Variants in MRTFB observed in about 807,000 individuals in gnomAD.
The protein encoded by MRTFB is myocardin related transcription factor B.
A neutral mutation model predicts 104.2 loss-of-function variants in MRTFB; 29 were observed. The observed-to-expected ratio is 0.28, with a 90% CI of 0.21 to 0.38. MRTFB has a LOEUF of 0.38. MRTFB is among the 10% of genes least tolerant of loss of function. The pLI is 1.00. For synonymous variants in MRTFB, 535 were observed against 519.5 expected (o/e 1.03, Z -0.41); for missense variants, 1,270 against 1,341.6 (o/e 0.95, Z 0.83).
At chr16:14,235,460 A>G (rs1279515739) in intron 9 of MRTFB, among the ~76,000 whole-genome samples, 3 of 152,286 alleles carry the variant, frequency 2.0e-5, no homozygotes, top group East Asian at 1.9e-4. Context: ...CCGATCCTCA[A>G]ACGGGTTCTC....
chr16:14,259,396 C>T (rs192355444), intron 16 of MRTFB, among the ~76,000 whole-genome samples: 104 of 152,158 alleles, frequency 6.8e-4, no homozygotes, highest in Middle Eastern at 6.8e-3. Flanking sequence ...ACAAAGTATC[C>T]AGTAAGTATA....
chr16:14,149,404 C>T (rs1354888413), intron 3 of MRTFB: 1 of 152,198 alleles, frequency 6.6e-6, no homozygotes, highest in Non-Finnish European at 1.5e-5. Context: ...ACAAGTGTTA[C>T]AGTTGGTCAG....
At position 14,140,751 on chromosome 16, in the gene MRTFB, A is replaced by AG; in HGVS notation, c.147dup (p.Lys50GlufsTer34). On this transcript the variant is annotated frameshift_variant, in exon 3 of 17. Transcript: ENST00000571589. LOFTEE classifies it high-confidence loss of function. ...TCAAAACTTACCCCCTCTGAACGAA[A>AG]GGAAAAATGGTGAGTTCAGCATGTG... 6.2e-7 allele frequency: 1 copy of AG among 1,614,162 alleles called. No homozygotes were observed. The highest frequency in any genetic ancestry group is 8.5e-7 in the Non-Finnish European group (1 of 1,180,026).
intron 15 of MRTFB, among the ~76,000 whole-genome samples, chr16:14,255,112 C>G (rs1054135543): frequency 6.6e-6 from 1 of 152,170 alleles, no homozygotes; most frequent in Non-Finnish European, 1.5e-5. Flanking sequence ...CTTATCCAAT[C>G]TGAATAACAG....
At chr16:14,173,698 C>G (rs2039492761) in intron 3 of MRTFB, among the ~76,000 whole-genome samples, 1 of 152,148 alleles carries the variant, frequency 6.6e-6, no homozygotes, top group South Asian at 2.1e-4. Flanking sequence ...TGGGACTCCA[C>G]TTGCATGTAA....
intron 15 of MRTFB, among the ~76,000 whole-genome samples, chr16:14,256,200 A>G (rs1290438615): frequency 1.3e-5 from 2 of 151,564 alleles, no homozygotes; most frequent in African/African-American, 4.9e-5. Context: ...ATAACAAAAA[A>G]AAAAAAAACC....
the MRTFB span, among the ~76,000 whole-genome samples, chr16:14,051,659 A>G: frequency 6.6e-6 from 1 of 152,256 alleles, no homozygotes; most frequent in Non-Finnish European, 1.5e-5. Context: ...ACACATTCAC[A>G]GACACACACA....
At chr16:14,236,648 A>G (rs78320539) in intron 9 of MRTFB, among the ~76,000 whole-genome samples, 8,794 of 152,196 alleles carry the variant, frequency 0.058, 787 homozygotes, top group African/African-American at 0.19. Flanking sequence ...GAAGATATCT[A>G]TCTATGGGAA....
intron 3 of MRTFB, chr16:14,186,652 AATCGT>A: frequency 3.2e-6 from 4 of 1,246,996 alleles, no homozygotes; most frequent in Non-Finnish European, 3.0e-6. Context: ...GGGATTTTAG[AATCGT>A]GCCTGTGTGG....
Position 14,263,705 on chromosome 16 carries a change from C to T in MRTFB, c.*2261C>T, listed in dbSNP as rs1489127420. On this transcript the variant is annotated 3_prime_UTR_variant, in exon 17 of 17. Transcript: ENST00000571589. ...ATACACAGTGCAGTGCAAGAAAATG[C>T]TATCTCATTGGCCTACTCTCCTATG... 6.6e-6 allele frequency: 1 copy of T among 152,208 alleles called. No individual in the cohort carries two copies. The highest frequency in any genetic ancestry group is 1.5e-5 in the Non-Finnish European group (1 of 68,042). The allele number at this position is 152,208 out of a possible 1,614,324, so 9.4% of individuals were successfully genotyped here.
chr16:14,167,139 G>A (rs146935078), intron 3 of MRTFB, among the ~76,000 whole-genome samples: 6 of 152,262 alleles, frequency 3.9e-5, no homozygotes, highest in South Asian at 2.1e-4. Context: ...GTGTAAAAGC[G>A]TTCCTATTTC....
At chr16:14,128,625 T>A (rs879579714) in intron 2 of MRTFB, among the ~76,000 whole-genome samples, 1 of 152,218 alleles carries the variant, frequency 6.6e-6, no homozygotes, top group Non-Finnish European at 1.5e-5. Context: ...ATCTTAGATA[T>A]CTTTCCATAT....
chr16:14,228,438 G>C (rs1014907757), intron 8 of MRTFB, among the ~76,000 whole-genome samples: 4 of 152,130 alleles, frequency 2.6e-5, no homozygotes, highest in African/African-American at 9.7e-5. Flanking sequence ...AGCTGGGCGT[G>C]GTGGTACGTG....
At chr16:13,996,824 G>T in the MRTFB span, among the ~76,000 whole-genome samples, 1 of 152,154 alleles carries the variant, frequency 6.6e-6, no homozygotes, top group Non-Finnish European at 1.5e-5. Context: ...AGGGACAACC[G>T]ACGGCTCTCT....
chr16:14,136,771 AT>A (rs1186841041), intron 2 of MRTFB, among the ~76,000 whole-genome samples: 2 of 151,008 alleles, frequency 1.3e-5, no homozygotes, highest in Non-Finnish European at 3.0e-5. Flanking sequence ...TTCCCCCTGT[AT>A]TTTTTTCCCC....
chr16:14,172,888 G>A (rs1000067474), intron 3 of MRTFB, among the ~76,000 whole-genome samples: 8 of 152,030 alleles, frequency 5.3e-5, no homozygotes, highest in African/African-American at 1.9e-4. Flanking sequence ...TTTACATATT[G>A]GGGTGATTAG....
intron 6 of MRTFB, among the ~76,000 whole-genome samples, chr16:14,215,199 G>A (rs1288370619): frequency 6.6e-6 from 1 of 152,078 alleles, no homozygotes; most frequent in African/African-American, 2.4e-5. Context: ...CTTTTTTTAA[G>A]ACTACCCACC....
chr16:14,007,699 T>C, the MRTFB span, among the ~76,000 whole-genome samples: 44 of 152,322 alleles, frequency 2.9e-4, no homozygotes, highest in African/African-American at 1.1e-3. Context: ...TGATGATGGT[T>C]CGAATTTCAC....
At chr16:14,012,256 T>TCG in the MRTFB span, among the ~76,000 whole-genome samples, 1 of 146,082 alleles carries the variant, frequency 6.8e-6, no homozygotes, top group Non-Finnish European at 1.5e-5. Context: ...TGAGACAGAG[T>TCG]CTCGGGCAGG....
Sources: allele counts gnomAD v4.1 joint callset (sites outside exome capture counted in the v4.1 genomes callset), GRCh38; gene constraint gnomAD v4.1.1; transcripts MANE v1.5; gene names NCBI Gene and HGNC (gene_info 2026-07-23, HGNC 2026-07-21).